The following DICER1 variants were observed in gnomAD, a reference collection of about 807,000 sequenced individuals.
The protein encoded by DICER1 is endoribonuclease Dicer.
Under a neutral mutation model 194.1 loss-of-function variants are expected in DICER1, and 43 were observed. The observed-to-expected ratio is 0.22, with a 90% confidence interval of 0.17 to 0.29. The LOEUF is 0.29. DICER1 is among the 10% of genes least tolerant of loss of function. DICER1 has a pLI of 1.00. For synonymous variants in DICER1, 832 were observed against 820.5 expected (o/e 1.01, Z -0.24); for missense variants, 1,608 against 2,317.0 (o/e 0.69, Z 6.28).
chr14:95,097,508 T>G (rs1164337311), intron 22 of DICER1, among the ~76,000 whole-genome samples: 43 of 152,366 alleles, frequency 2.8e-4, no homozygotes, highest in Non-Finnish European at 1.3e-4. Flanking sequence ...CTAATTCCAA[T>G]TTCTTTGGCA....
At chr14:95,127,693 A>G (rs1893594255) in intron 6 of DICER1, among the ~76,000 whole-genome samples, 1 of 152,256 alleles carries the variant, frequency 6.6e-6, no homozygotes, top group Admixed American at 6.5e-5. Context: ...AGCATTTTGA[A>G]TTTCGCGTTT....
chr14:95,139,380 A>T (rs1388930990), intron 1 of DICER1, among the ~76,000 whole-genome samples: 1 of 152,258 alleles, frequency 6.6e-6, no homozygotes, highest in Non-Finnish European at 1.5e-5. Context: ...AACCACATCC[A>T]GGACATGGTA....
chr14:95,138,292 G>C (rs1396835332), intron 1 of DICER1, among the ~76,000 whole-genome samples: 3 of 149,750 alleles, frequency 2.0e-5, no homozygotes, highest in Admixed American at 2.0e-4. Context: ...ATGATAGGTA[G>C]CTGGTTTCTA....
rs1595373667 is a variant in DICER1 at position 95,106,058 on chromosome 14, C to T, written c.2970G>A (p.Val990=). 6.2e-7 allele frequency: 1 copy of T among 1,614,124 alleles called. No homozygotes were observed. The highest frequency in any genetic ancestry group is 8.5e-7 in the Non-Finnish European group (1 of 1,180,020). Reference sequence around the variant, plus strand: ...CCCCTTACCTTGAAGATGTGTGGTCCACATCCAGCAGTGGCTGGTTGAGAT... The same window carrying T: ...CCCCTTACCTTGAAGATGTGTGGTCTACATCCAGCAGTGGCTGGTTGAGAT... ...LTNLNQPLLD[V]DHTSSRLNLL... is the part of the protein sequence containing the mutation. Residue 990 remains valine (V), a synonymous_variant, in exon 18 of 27, where the codon GTG becomes GTA. Transcript: ENST00000343455.
rs757476636 is a variant in DICER1 at position 95,088,919 on chromosome 14, C to CA, written c.*1578dup. On this transcript the variant is annotated 3_prime_UTR_variant, in exon 27 of 27. Coordinates refer to ENST00000343455, the MANE Select transcript of DICER1 (RefSeq NM_177438.3). Reference sequence around the variant, plus strand: ...CTGGGAAATATGAGACACCTCTGCTCAGCTTTCTTAAACTTCAAGCATAAT... The same window carrying CA: ...CTGGGAAATATGAGACACCTCTGCTCAAGCTTTCTTAAACTTCAAGCATAAT... 1.3e-5 allele frequency: 3 copies of CA among 233,476 alleles called. No homozygotes were observed. The highest frequency in any genetic ancestry group is 2.5e-5 in the Non-Finnish European group (3 of 118,044). 14.5% of individuals were successfully genotyped at this position (233,476 alleles called of 1,614,324 possible). A position where few individuals can be genotyped will look rare whatever the true frequency, so the allele number is the denominator to read the frequency against.
rs1595364927 is a variant in DICER1 at position 95,103,620 on chromosome 14, G to A, written c.3776C>T (p.Ala1259Val). 2 of 1,614,150 alleles carry A rather than the reference G, an allele frequency of 1.2e-6. No homozygotes were observed. Among genetic ancestry groups the A allele is most frequent in the African/African-American group, 1.3e-5 (1 of 75,034 alleles). Residue 1259 changes from alanine to valine, a missense_variant, in exon 21 of 27, where the codon GCC (alanine) becomes GTC (valine). By Grantham distance (64) the Ala-to-Val change is moderately conservative. Around this residue, in one of 10 missense-constraint regions of DICER1, gnomAD observed 222 missense variants for 215.5 expected, o/e 1.03. Coordinates refer to ENST00000343455, the MANE Select transcript of DICER1 (RefSeq NM_177438.3). Reference sequence around the variant, plus strand: ...AGTGTCTGTCGTACCAGGCATTACGGCCATCACAGGACTTCCATCTGAGGT... The same window carrying A: ...AGTGTCTGTCGTACCAGGCATTACGACCATCACAGGACTTCCATCTGAGGT... ...KSTSDGSPVM[A>V]VMPGTTDTIQ...
At chr14:95,104,541 A>G (rs930198048) in intron 20 of DICER1, among the ~76,000 whole-genome samples, 8 of 152,260 alleles carry the variant, frequency 5.3e-5, no homozygotes, top group African/African-American at 1.9e-4. Context: ...TAATGATTAA[A>G]TGAGCTAACT....
Position 95,105,641 on chromosome 14 carries a change from C to G in DICER1, c.3093+37G>C. On this transcript the variant is annotated intron_variant, in intron 19 of 26. Coordinates refer to ENST00000343455, the MANE Select transcript of DICER1 (RefSeq NM_177438.3). The surrounding 1 kb of genome is among the most constrained non-coding windows in gnomAD (Gnocchi z 4.9). ...TCTTTAATAATCTTTAATACTCAAA[C>G]AAATACTAAGTTATGCTAGTACAAT... 7.1e-7 allele frequency: 1 copy of G among 1,400,050 alleles called. No homozygotes were observed. Among genetic ancestry groups the G allele is most frequent in the East Asian group, 2.3e-5 (1 of 43,800 alleles). The allele number at this position is 1,400,050 out of a possible 1,614,324, so 86.7% of individuals were successfully genotyped here. A position where few individuals can be genotyped will look rare whatever the true frequency, so the allele number is the denominator to read the frequency against.
intron 1 of DICER1, among the ~76,000 whole-genome samples, chr14:95,142,551 A>G (rs1376417052): frequency 6.6e-6 from 1 of 152,164 alleles, no homozygotes; most frequent in Non-Finnish European, 1.5e-5. Flanking sequence ...ATGTCACCCA[A>G]CTATTACAAA....
Position 95,103,608 on chromosome 14 carries a change from C to T in DICER1, c.3788G>A (p.Gly1263Asp), listed in dbSNP as rs771990285. 2 of 1,614,058 alleles carry T rather than the reference C, an allele frequency of 1.2e-6. No individual in the cohort carries two copies. Among genetic ancestry groups the T allele is most frequent in the African/African-American group, 2.7e-5 (2 of 74,918 alleles). The change falls in exon 21 of 27, where the codon GGT becomes GAT. Residue 1263 changes from glycine to aspartate, a missense_variant. Transcript: ENST00000343455. ...GAGCACTTGAATAGTGTCTGTCGTA[C>T]CAGGCATTACGGCCATCACAGGACT... The part of the protein sequence containing the change: ...DGSPVMAVMP[G>D]TTDTIQVLKG...
chr14:95,100,217 T>C (rs924539084), intron 21 of DICER1, among the ~76,000 whole-genome samples: 2 of 152,180 alleles, frequency 1.3e-5, no homozygotes, highest in African/African-American at 4.8e-5. Context: ...TATGAATGAC[T>C]GAGAAGAAAC....
chr14:95,086,894 A>C lies in DICER1; in HGVS notation c.*3604T>G, dbSNP rs1889378360. ...TAATTAAAACAACCATATAGGTAAT[A>C]AACATGACATGAGTTTCTCTTCTGC... is the stretch of plus-strand genomic sequence containing the variant. On this transcript the variant is annotated 3_prime_UTR_variant, in exon 27 of 27. Coordinates refer to ENST00000343455, the MANE Select transcript of DICER1 (RefSeq NM_177438.3). 4.3e-6 allele frequency: 1 copy of C among 232,718 alleles called. No homozygotes were observed. The highest frequency in any genetic ancestry group is 1.8e-4 in the South Asian group (1 of 5,534). 14.4% of individuals were successfully genotyped at this position (232,718 alleles called of 1,614,324 possible).
At position 95,088,825 on chromosome 14, in the gene DICER1, G is replaced by A. The variant is rs1889543879; in HGVS notation, c.*1673C>T. 1 of 233,308 alleles carries A rather than the reference G, an allele frequency of 4.3e-6. No homozygotes were observed. The highest frequency in any genetic ancestry group is 6.1e-5 in the East Asian group (1 of 16,514). 14.5% of individuals were successfully genotyped at this position (233,308 alleles called of 1,614,324 possible). ...GTGGATGATGCAGATAAAGCAGGAAGGACAGTATTCAAATGTCACTTACAT... is the reference window on the plus strand; with the variant it reads ...GTGGATGATGCAGATAAAGCAGGAAAGACAGTATTCAAATGTCACTTACAT... On this transcript the variant is annotated 3_prime_UTR_variant, in exon 27 of 27. Transcript: ENST00000343455.
chr14:95,103,710 G>C lies in DICER1; in HGVS notation c.3686C>G (p.Pro1229Arg), dbSNP rs1370940293. 6.2e-7 allele frequency: 1 copy of C among 1,614,168 alleles called. No individual in the cohort carries two copies. Among genetic ancestry groups the C allele is most frequent in the Admixed American group, 1.7e-5 (1 of 60,018 alleles). ...GAGAGTACATTCATCGCTGGGCTGG[G>C]GCTGGTTCTCGTAACTGTATAAATT... ...IQNLYSYENQPQPSDECTLLS... is the reference protein window; with the variant it reads ...IQNLYSYENQRQPSDECTLLS... The change falls in exon 21 of 27, where the codon CCC (proline) becomes CGC (arginine). Residue 1229 changes from proline (P) to arginine (R), a missense_variant. Physicochemically the swap from Pro to Arg is moderately radical, Grantham distance 103. Coordinates refer to ENST00000343455, the MANE Select transcript of DICER1 (RefSeq NM_177438.3).
Position 95,088,584 on chromosome 14 carries a change from G to A in DICER1, c.*1914C>T, listed in dbSNP as rs997751105. On this transcript the variant is annotated 3_prime_UTR_variant, in exon 27 of 27. Transcript: ENST00000343455. ...TTAAGGTTTTTTAAAAAATCAAATA[G>A]ACATCTAAGGTTCCAAATCGGAATT... The A allele has an allele frequency of 4.3e-6, 1 of 231,864 alleles. No homozygotes were observed. The highest frequency in any genetic ancestry group is 2.2e-5 in the African/African-American group (1 of 45,250). The allele number at this position is 231,864 out of a possible 1,614,324, so 14.4% of individuals were successfully genotyped here.
At chr14:95,120,689 T>C (rs1486165895) in intron 8 of DICER1, among the ~76,000 whole-genome samples, 2 of 152,152 alleles carry the variant, frequency 1.3e-5, no homozygotes, top group Non-Finnish European at 2.9e-5. Context: ...GAGCAACAAA[T>C]AAATAACACA....
intron 22 of DICER1, 52 bp from the exon 23 acceptor site, chr14:95,096,765 AAG>A: frequency 6.5e-7 from 1 of 1,546,050 alleles, no homozygotes; most frequent in Admixed American, 2.0e-5. Context: ...CTGTTTTTAA[AAG>A]GGTTTGAAAC....
At chr14:95,146,254 G>C (rs768914587) in intron 1 of DICER1, among the ~76,000 whole-genome samples, 63 of 152,330 alleles carry the variant, frequency 4.1e-4, no homozygotes, top group African/African-American at 1.4e-3. Context: ...GGACCGGATT[G>C]AGAACCTGTC....
At chr14:95,119,880 T>C (rs1004709328) in intron 8 of DICER1, among the ~76,000 whole-genome samples, 2 of 152,248 alleles carry the variant, frequency 1.3e-5, no homozygotes, top group African/African-American at 4.8e-5. Flanking sequence ...TAAATGCTTC[T>C]TCTCAATCTT....
Sources: gnomAD v4.1 joint callset for allele counts (sites outside exome capture counted in the v4.1 genomes callset) on GRCh38, gnomAD v4.1.1 for gene constraint, gnomAD v4.1.1 regional missense constraint, Gnocchi (gnomAD v3.1) non-coding constraint, MANE v1.5 for transcripts, NCBI Gene and HGNC (gene_info 2026-07-23, HGNC 2026-07-21) for gene names.